Variants in HMGA2 observed in about 807,000 individuals in gnomAD.
HMGA2 encodes high mobility group protein HMGI-C.
A neutral mutation model predicts 19.1 loss-of-function variants in HMGA2; 8 were observed. The ratio of observed to expected loss-of-function variants is 0.42; its 90% confidence interval spans 0.25 to 0.76. The LOEUF (loss-of-function observed/expected upper bound fraction) is 0.76, where lower values mean the gene tolerates loss of function less well. Ranked by LOEUF, HMGA2 falls within the 30% of genes least tolerant of loss-of-function variation. The probability of loss-of-function intolerance (pLI) is 0.28; values close to 1 mark genes in which losing one functional copy is unlikely to be tolerated. For missense variants in HMGA2, 109 were observed against 136.3 expected (o/e 0.80, Z 1.00); for synonymous variants, 60 against 48.8 (o/e 1.23, Z -0.96).
chr12:65,855,825 G>T (rs76826776), intron 3 of HMGA2: 20,791 of 151,878 alleles, frequency 0.14, 2,666 homozygotes, highest in African/African-American at 0.32. Context: ...AGTATATTTG[G>T]ACCAAAAGCC....
rs527718644 is a variant in HMGA2, at chr12:65,901,638, T to G, written c.250-49745T>G. 5.3e-5 allele frequency among the ~76,000 whole-genome samples: 8 copies of G among 152,336 alleles called. No homozygotes were observed. In the East Asian group the frequency reaches 1.5e-3, roughly 29 times the overall value. ...GAGTATTACATATTTTATTATCACT[T>G]GTCAATTATTTACTAAACATTCCTT... On this transcript the variant is annotated intron_variant, in intron 3 of 4. Coordinates refer to ENST00000403681, the MANE Select transcript of HMGA2 (RefSeq NM_003483.6).
chr12:65,963,651 GT>G lies in HMGA2; in HGVS notation c.*362del, dbSNP rs1565744360. The G allele has an allele frequency of 2.5e-6, 1 of 403,296 alleles. No individual in the cohort carries two copies. The highest frequency in any genetic ancestry group is 2.0e-5 in the African/African-American group (1 of 49,484). 25.0% of individuals were successfully genotyped at this position (403,296 alleles called of 1,614,324 possible). ...GGGCGGGTGAGAAAAACCGAATTGG[GT>G]TTAGTCAATCACTGCACTGCATGCA... On this transcript the variant is annotated 3_prime_UTR_variant, in exon 5 of 5. Transcript: ENST00000403681.
chr12:65,952,093 CA>C (rs1876478460), intron 4 of HMGA2: 1 of 361,824 alleles, frequency 2.8e-6, no homozygotes, highest in Non-Finnish European at 5.0e-6. Flanking sequence ...TTGAAGAAAA[CA>C]AAACTGAAGT....
intron 3 of HMGA2, among the ~76,000 whole-genome samples, chr12:65,912,824 T>C (rs1163531702): frequency 1.3e-5 from 2 of 152,206 alleles, no homozygotes; most frequent in African/African-American, 2.4e-5. Context: ...ATGTGGATTC[T>C]CATAGGATGA....
rs73327501 is a variant in HMGA2, at chr12:65,946,271, A to G, written c.250-5112A>G. On this transcript the variant is annotated intron_variant, in intron 3 of 4. Transcript: ENST00000403681. ...AGTACCTATTGGTTGAACAATGGTC[A>G]TATGATTTTAAAACAAAATCATATG... Among the ~76,000 whole-genome samples, 446 of 152,314 alleles carry G rather than the reference A, an allele frequency of 2.9e-3. 1 individual carries two copies. Among genetic ancestry groups the G allele is most frequent in the Middle Eastern group, 0.01 (3 of 294 alleles).
chr12:65,941,126 A>G (rs1031991170), intron 3 of HMGA2, among the ~76,000 whole-genome samples: 2 of 152,216 alleles, frequency 1.3e-5, no homozygotes, highest in African/African-American at 4.8e-5. Flanking sequence ...ATTTTAGGGA[A>G]GTTGAGCTGA....
intron 3 of HMGA2, chr12:65,915,606 T>C (rs1875070361): frequency 3.0e-6 from 3 of 990,892 alleles, no homozygotes; most frequent in Non-Finnish European, 3.7e-6. Flanking sequence ...TTCCTGTGTC[T>C]TTTATCCTCT....
chr12:65,859,936 T>G, intron 3 of HMGA2: 1 of 293,190 alleles, frequency 3.4e-6, no homozygotes, highest in Non-Finnish European at 7.0e-6. Flanking sequence ...AAAAAAAAAT[T>G]AAAAATTAGC....
At chr12:65,947,098 T>G (rs1024404453) in intron 3 of HMGA2, among the ~76,000 whole-genome samples, 1 of 151,970 alleles carries the variant, frequency 6.6e-6, no homozygotes, top group Non-Finnish European at 1.5e-5. Context: ...TATGTTCAAC[T>G]CATGGGGTCT....
intron 3 of HMGA2, among the ~76,000 whole-genome samples, chr12:65,950,840 C>A (rs750025999): frequency 6.6e-6 from 1 of 152,154 alleles, no homozygotes; most frequent in Non-Finnish European, 1.5e-5. Context: ...AGCTAGTTGG[C>A]TTGTATGCCA....
chr12:65,890,712 C>A (rs1356973090), intron 3 of HMGA2, among the ~76,000 whole-genome samples: 1 of 151,206 alleles, frequency 6.6e-6, no homozygotes, highest in South Asian at 2.1e-4. Flanking sequence ...TATTTTACCG[C>A]TTCTTCAGTA....
chr12:65,842,839 G>C, intron 3 of HMGA2: 2 of 1,331,008 alleles, frequency 1.5e-6, no homozygotes, highest in Non-Finnish European at 1.9e-6. Context: ...CTAGTTTAGT[G>C]ATGGAAAGTA....
chr12:65,946,777 A>C (rs1876280918), intron 3 of HMGA2, among the ~76,000 whole-genome samples: 1 of 152,180 alleles, frequency 6.6e-6, no homozygotes, highest in Non-Finnish European at 1.5e-5. Flanking sequence ...GTCTCTCTAC[A>C]AAATCTTAAA....
chr12:65,845,069 T>G (rs1871176208), intron 3 of HMGA2, among the ~76,000 whole-genome samples: 1 of 152,186 alleles, frequency 6.6e-6, no homozygotes, highest in South Asian at 2.1e-4. Flanking sequence ...TTTACCTACA[T>G]TCACCTTACT....
chr12:65,929,723 T>C (rs939633017), intron 3 of HMGA2, among the ~76,000 whole-genome samples: 5 of 152,118 alleles, frequency 3.3e-5, no homozygotes, highest in Admixed American at 6.6e-5. Context: ...CGAAACACTT[T>C]GGTGAATGCT....
chr12:65,957,151 T>C (rs1876628033), intron 4 of HMGA2: 1 of 152,192 alleles, frequency 6.6e-6, no homozygotes, highest in Non-Finnish European at 1.5e-5. Context: ...AAATATTCTG[T>C]TCCCTGGCCG....
At chr12:65,885,403 G>A (rs936381408) in intron 3 of HMGA2, among the ~76,000 whole-genome samples, 4 of 152,154 alleles carry the variant, frequency 2.6e-5, no homozygotes, top group African/African-American at 9.7e-5. Context: ...GTCTTCCTGG[G>A]AAATGTAGCC....
At chr12:65,940,615 C>T (rs1459686076) in intron 3 of HMGA2, among the ~76,000 whole-genome samples, 2 of 151,826 alleles carry the variant, frequency 1.3e-5, no homozygotes, top group Non-Finnish European at 2.9e-5. Context: ...TGATTTTCTT[C>T]GTAAAAAAAA....
intron 3 of HMGA2, among the ~76,000 whole-genome samples, chr12:65,892,968 G>A (rs901986063): frequency 6.6e-6 from 1 of 152,130 alleles, no homozygotes; most frequent in Admixed American, 6.5e-5. Flanking sequence ...CTTCCCGTGT[G>A]TCATAAATCT....
Sources: allele counts gnomAD v4.1 joint callset (sites outside exome capture counted in the v4.1 genomes callset), GRCh38; gene constraint gnomAD v4.1.1; transcripts MANE v1.5; gene names NCBI Gene and HGNC (gene_info 2026-07-23, HGNC 2026-07-21).